Variants in SORCS2 observed in about 807,000 individuals in gnomAD.
SORCS2 encodes the protein VPS10 domain-containing receptor SorCS2.
In SORCS2, 100 loss-of-function variants were observed where a neutral mutation model predicts 141.6. The ratio of observed to expected loss-of-function variants is 0.71; its 90% CI spans 0.60 to 0.83. The LOEUF (loss-of-function observed/expected upper bound fraction) is 0.83, where lower values mean the gene tolerates loss of function less well. Ranked by LOEUF, SORCS2 falls within the 40% of genes least tolerant of loss-of-function variation. The probability of loss-of-function intolerance (pLI) is 0.00; values close to 1 mark genes in which losing one functional copy is unlikely to be tolerated. For synonymous variants in SORCS2, 789 were observed against 676.9 expected (o/e 1.17, Z -2.57); for missense variants, 1,646 against 1,560.2 (o/e 1.05, Z -0.93).
rs143074208 is a variant in SORCS2, at chr4:7,416,057, G to A, written c.548+19702G>A. 3.8e-3 allele frequency among the ~76,000 whole-genome samples: 580 copies of A among 152,332 alleles called. 2 individuals carry two copies. Among genetic ancestry groups the A allele is most frequent in the Non-Finnish European group, 5.5e-3 (377 of 68,030 alleles). ...CTAAGGAGTTTAGAGCGGCTAAAGCGTTAGGTGGGAGGAGGATGGCAGGGG... is the reference window on the plus strand; with the variant it reads ...CTAAGGAGTTTAGAGCGGCTAAAGCATTAGGTGGGAGGAGGATGGCAGGGG... On this transcript the variant is annotated intron_variant, in intron 2 of 26. Coordinates refer to ENST00000507866, the MANE Select transcript of SORCS2 (RefSeq NM_020777.3).
Position 7,546,468 on chromosome 4 carries a change from C to T in SORCS2, c.648+14839C>T, listed in dbSNP as rs771271733. Reference sequence around the variant, plus strand: ...CCTCAATATTGCATGTCGGCTCCATCGCAGTGAGGAATCCCCAGCTGTCTC... The same window carrying T: ...CCTCAATATTGCATGTCGGCTCCATTGCAGTGAGGAATCCCCAGCTGTCTC... On this transcript the variant is annotated intron_variant, in intron 3 of 26. Transcript: ENST00000507866. Among the ~76,000 whole-genome samples, 25 of 152,300 alleles carry T rather than the reference C, an allele frequency of 1.6e-4. No individual in the cohort carries two copies. The East Asian group carries it at 3.7e-3, about 22-fold the overall frequency.
chr4:7,666,485 T>G (rs925187885), intron 7 of SORCS2, among the ~76,000 whole-genome samples: 3 of 152,116 alleles, frequency 2.0e-5, no homozygotes, highest in African/African-American at 7.2e-5. Flanking sequence ...CCTCAGAGGA[T>G]CTGGGAGCCT....
intron 1 of SORCS2, among the ~76,000 whole-genome samples, chr4:7,266,046 C>T (rs1714705428): frequency 6.6e-6 from 1 of 152,196 alleles, no homozygotes; most frequent in South Asian, 2.1e-4. Context: ...CCCTGCACTT[C>T]CACAAGACTC....
intron 10 of SORCS2, 35 bp downstream of exon 10, chr4:7,682,924 G>C (rs770090393): frequency 6.2e-7 from 1 of 1,601,564 alleles, no homozygotes; most frequent in South Asian, 1.1e-5. Context: ...CACCATCCTT[G>C]GCGTGGATGC....
At position 7,292,374 on chromosome 4, in the gene SORCS2, C is replaced by T. The variant is rs140732866; in HGVS notation, c.480+99248C>T. 6.5e-3 allele frequency among the ~76,000 whole-genome samples: 982 copies of T among 152,234 alleles called. 48 individuals are homozygous for T. The highest frequency in any genetic ancestry group is 0.058 in the Admixed American group (879 of 15,276). ...CCCCACCCCACAGCTCCCATCACTG[C>T]ATTGAGTGCTCGGGAGATAAGAGGA... On this transcript the variant is annotated intron_variant, in intron 1 of 26. Transcript: ENST00000507866.
chr4:7,224,370 G>T (rs1412758013), intron 1 of SORCS2, among the ~76,000 whole-genome samples: 1 of 152,256 alleles, frequency 6.6e-6, no homozygotes, highest in African/African-American at 2.4e-5. Flanking sequence ...TTTGCGATGA[G>T]TGTTAAGGGT....
intron 3 of SORCS2, among the ~76,000 whole-genome samples, chr4:7,637,341 C>A (rs991615227): frequency 1.7e-4 from 26 of 152,196 alleles, no homozygotes; most frequent in African/African-American, 6.3e-4. Flanking sequence ...CTGGGGACCC[C>A]CGGCTCAGCG....
chr4:7,540,766 C>A (rs1712577080), intron 3 of SORCS2, among the ~76,000 whole-genome samples: 1 of 152,190 alleles, frequency 6.6e-6, no homozygotes, highest in African/African-American at 2.4e-5. Flanking sequence ...TATTTCCTGG[C>A]TTTCCGACCC....
At chr4:7,480,743 C>T (rs754214442) in intron 2 of SORCS2, among the ~76,000 whole-genome samples, 12 of 152,194 alleles carry the variant, frequency 7.9e-5, no homozygotes, top group African/African-American at 2.2e-4. Flanking sequence ...ACCGTGCAGA[C>T]GCATCCCCTC....
chr4:7,549,289 CA>C (rs1386383131), intron 3 of SORCS2, among the ~76,000 whole-genome samples: 2 of 152,284 alleles, frequency 1.3e-5, no homozygotes, highest in East Asian at 3.9e-4. Context: ...TTCAACTCAG[CA>C]GCAAGTCTAT....
chr4:7,530,259 T>C (rs1317826280), intron 2 of SORCS2, among the ~76,000 whole-genome samples: 1 of 152,208 alleles, frequency 6.6e-6, no homozygotes, highest in Admixed American at 6.5e-5. Context: ...TAGGTGAGTC[T>C]GAGAAGCACT....
intron 2 of SORCS2, among the ~76,000 whole-genome samples, chr4:7,506,006 A>T (rs1208767553): frequency 6.6e-6 from 1 of 152,106 alleles, no homozygotes; most frequent in East Asian, 1.9e-4. Flanking sequence ...TGGCAGGGGG[A>T]ACGCATAGCC....
At chr4:7,708,595 C>T (rs1354569834) in intron 14 of SORCS2, among the ~76,000 whole-genome samples, 1 of 152,202 alleles carries the variant, frequency 6.6e-6, no homozygotes, top group African/African-American at 2.4e-5. Flanking sequence ...GTCTGGGGGG[C>T]GTCTTCCCCT....
chr4:7,579,563 C>A (rs1374092598), intron 3 of SORCS2, among the ~76,000 whole-genome samples: 1 of 152,154 alleles, frequency 6.6e-6, no homozygotes, highest in East Asian at 1.9e-4. Flanking sequence ...CTCCTGGATT[C>A]TACTCATCTT....
At chr4:7,481,417 G>A (rs1292651564) in intron 2 of SORCS2, among the ~76,000 whole-genome samples, 2 of 152,178 alleles carry the variant, frequency 1.3e-5, no homozygotes, top group African/African-American at 4.8e-5. Flanking sequence ...CCTGGAGAAC[G>A]GTGGCCTCTA....
intron 5 of SORCS2, among the ~76,000 whole-genome samples, chr4:7,656,125 T>C (rs1225233730): frequency 6.6e-6 from 1 of 152,214 alleles, no homozygotes; most frequent in African/African-American, 2.4e-5. Flanking sequence ...GAGCTCTTTG[T>C]CCTTGAACTG....
At chr4:7,669,420 G>A (rs553491045) in intron 8 of SORCS2, among the ~76,000 whole-genome samples, 1 of 152,150 alleles carries the variant, frequency 6.6e-6, no homozygotes, top group South Asian at 2.1e-4. Context: ...AGCCCTACGG[G>A]GTCTTCAATA....
chr4:7,501,739 C>G (rs990011372), intron 2 of SORCS2, among the ~76,000 whole-genome samples: 1 of 152,206 alleles, frequency 6.6e-6, no homozygotes, highest in Non-Finnish European at 1.5e-5. Flanking sequence ...TTCTCCTGCT[C>G]TCTCTTTTTA....
intron 2 of SORCS2, among the ~76,000 whole-genome samples, chr4:7,519,271 T>A (rs1055840917): frequency 1.6e-4 from 24 of 152,168 alleles, no homozygotes; most frequent in African/African-American, 4.1e-4. Context: ...ACTCCATCAG[T>A]TGGGACAAGA....
Sources: allele counts gnomAD v4.1 joint callset (sites outside exome capture counted in the v4.1 genomes callset), GRCh38; gene constraint gnomAD v4.1.1; transcripts MANE v1.5; gene names NCBI Gene and HGNC (gene_info 2026-07-23, HGNC 2026-07-21).